TMEM184B: variants seen among roughly 807,000 people sequenced by gnomAD.
TMEM184B encodes transmembrane protein 184B, also known as putative MAPK-activating protein FM08.
Under a neutral mutation model 41.8 loss-of-function variants are expected in TMEM184B, and 17 were observed. That is an observed-to-expected ratio of 0.41 (90% CI 0.28 to 0.61). The LOEUF is 0.61. TMEM184B is among the 20% of genes least tolerant of loss of function. The pLI, the probability that TMEM184B is intolerant of heterozygous loss-of-function variation, is 0.34. For missense variants in TMEM184B, 393 were observed against 557.8 expected (o/e 0.70, Z 2.98); for synonymous variants, 240 against 229.5 (o/e 1.05, Z -0.41).
At chr22:38,222,784 C>T in intron 8 of TMEM184B, 1 of 849,020 alleles carries the variant, frequency 1.2e-6, no homozygotes, top group Non-Finnish European at 1.4e-6. Context: ...GGCCCACCAG[C>T]ACGACACACC....
chr22:38,219,822 C>CG lies in TMEM184B; in HGVS notation c.*1646dup, dbSNP rs1184053806. ...CAGCCTGTGTCTGCACCCACCCTCC[C>CG]GGGCAGCTTGGGCCCAACTGCTCCG... On this transcript the variant is annotated 3_prime_UTR_variant, in exon 9 of 9. Transcript: ENST00000361906. 1.5e-5 allele frequency: 15 copies of CG among 985,372 alleles called. No homozygotes were observed. The highest frequency in any genetic ancestry group is 1.7e-5 in the African/African-American group (1 of 57,244). The allele number at this position is 985,372 out of a possible 1,614,324, so 61.0% of individuals were successfully genotyped here. A position where few individuals can be genotyped will look rare whatever the true frequency, so the allele number is the denominator to read the frequency against.
intron 1 of TMEM184B, among the ~76,000 whole-genome samples, chr22:38,253,881 C>T (rs1055593699): frequency 1.1e-4 from 16 of 152,150 alleles, no homozygotes; most frequent in Non-Finnish European, 1.9e-4. Flanking sequence ...AAATGACTAG[C>T]ATTGGGAATG....
chr22:38,243,132 G>C (rs2091951373), intron 3 of TMEM184B, among the ~76,000 whole-genome samples: 1 of 151,944 alleles, frequency 6.6e-6, no homozygotes, highest in Non-Finnish European at 1.5e-5. Context: ...AAACTCCCTG[G>C]GAGAGGCCAG....
At chr22:38,264,084 C>T (rs2092410281) in intron 1 of TMEM184B, among the ~76,000 whole-genome samples, 2 of 152,198 alleles carry the variant, frequency 1.3e-5, no homozygotes, top group African/African-American at 2.4e-5. Context: ...GGATTACAGG[C>T]GTGAGCCACC....
At chr22:38,266,111 A>AC (rs2092440595) in intron 1 of TMEM184B, among the ~76,000 whole-genome samples, 1 of 152,020 alleles carries the variant, frequency 6.6e-6, no homozygotes, top group South Asian at 2.1e-4. Flanking sequence ...GTCTCACTGC[A>AC]CCCCCTCTGT....
chr22:38,259,581 T>TG (rs1187266361), intron 1 of TMEM184B, among the ~76,000 whole-genome samples: 1 of 152,068 alleles, frequency 6.6e-6, no homozygotes. Flanking sequence ...AAGCCACAGA[T>TG]GGAGGTGGTC....
rs1014319282 is a variant in TMEM184B at position 38,220,582 on chromosome 22, G to A, written c.*887C>T. ...GAGACTCAGACCTTTCCCCTGAAACGGGAGGGAGAAGCCCCAAAGAGAGAG... is the reference window on the plus strand; with the variant it reads ...GAGACTCAGACCTTTCCCCTGAAACAGGAGGGAGAAGCCCCAAAGAGAGAG... On this transcript the variant is annotated 3_prime_UTR_variant, in exon 9 of 9. Transcript: ENST00000361906. The A allele has an allele frequency of 8.1e-6, 8 of 985,986 alleles. No homozygotes were observed. Among genetic ancestry groups the A allele is most frequent in the Admixed American group, 1.2e-4 (2 of 16,296 alleles). The allele number at this position is 985,986 out of a possible 1,614,324, so 61.1% of individuals were successfully genotyped here. A position where few individuals can be genotyped will look rare whatever the true frequency, so the allele number is the denominator to read the frequency against.
intron 1 of TMEM184B, among the ~76,000 whole-genome samples, chr22:38,258,764 A>T (rs997376921): frequency 6.6e-6 from 1 of 152,152 alleles, no homozygotes. Context: ...TATCACATCA[A>T]TTCAGGTCAG....
chr22:38,220,749 A>G lies in TMEM184B; in HGVS notation c.*720T>C. 1.0e-6 allele frequency: 1 copy of G among 986,244 alleles called. No individual in the cohort carries two copies. Among genetic ancestry groups the G allele is most frequent in the African/African-American group, 1.7e-5 (1 of 57,360 alleles). The allele number at this position is 986,244 out of a possible 1,614,324, so 61.1% of individuals were successfully genotyped here. On this transcript the variant is annotated 3_prime_UTR_variant, in exon 9 of 9. Coordinates refer to ENST00000361906, the MANE Select transcript of TMEM184B (RefSeq NM_012264.5). ...GGCTGTGGGCTGTCCTTGGTAGGCC[A>G]GGGGGAAGGGGCATGAGGCAGGCAG...
chr22:38,231,699 A>C (rs2091628661), intron 3 of TMEM184B: 1 of 417,068 alleles, frequency 2.4e-6, no homozygotes, highest in Non-Finnish European at 4.5e-6. Context: ...GGGGCGAAAC[A>C]GTATTGCCTT....
intron 1 of TMEM184B, among the ~76,000 whole-genome samples, chr22:38,249,962 G>A (rs1014976032): frequency 1.3e-5 from 2 of 152,222 alleles, no homozygotes; most frequent in Non-Finnish European, 1.5e-5. Context: ...AAAGAGCCTG[G>A]CTGGAGCGTG....
intron 1 of TMEM184B, 55 bp from the exon 2 acceptor site, chr22:38,248,074 G>A: frequency 6.8e-7 from 1 of 1,462,272 alleles, no homozygotes; most frequent in Non-Finnish European, 9.0e-7. Flanking sequence ...GGCAGCATTG[G>A]AAAGAATCTT....
intron 3 of TMEM184B, among the ~76,000 whole-genome samples, chr22:38,235,857 G>A (rs1034194589): frequency 7.2e-5 from 11 of 152,300 alleles, no homozygotes; most frequent in Admixed American, 3.3e-4. Flanking sequence ...AAGCTGAGAC[G>A]GGGCTGGAGG....
At chr22:38,256,981 T>A (rs1013995436) in intron 1 of TMEM184B, among the ~76,000 whole-genome samples, 1 of 149,256 alleles carries the variant, frequency 6.7e-6, no homozygotes, top group Non-Finnish European at 1.5e-5. Context: ...TTAATAGTTT[T>A]TTTTTTTTTT....
At position 38,220,468 on chromosome 22, in the gene TMEM184B, TC is replaced by T. The variant is rs1235802316; in HGVS notation, c.*1000del. 1.1e-4 allele frequency: 113 copies of T among 985,310 alleles called. No individual in the cohort carries two copies. The highest frequency in any genetic ancestry group is 1.3e-4 in the Non-Finnish European group (107 of 829,890). The allele number at this position is 985,310 out of a possible 1,614,324, so 61.0% of individuals were successfully genotyped here. A position where few individuals can be genotyped will look rare whatever the true frequency, so the allele number is the denominator to read the frequency against. On this transcript the variant is annotated 3_prime_UTR_variant, in exon 9 of 9. Coordinates refer to ENST00000361906, the MANE Select transcript of TMEM184B (RefSeq NM_012264.5). Reference sequence around the variant, plus strand: ...GGCCCCGAGAGGAGTCTGGGACCATTCCCCCCACCTCCCAGCTCCCCACTGT... The same window carrying T: ...GGCCCCGAGAGGAGTCTGGGACCATTCCCCCACCTCCCAGCTCCCCACTGT...
chr22:38,227,317 G>A (rs1244387775), intron 5 of TMEM184B, among the ~76,000 whole-genome samples: 2 of 152,104 alleles, frequency 1.3e-5, no homozygotes, highest in African/African-American at 4.8e-5. Context: ...ACAGGCAGAG[G>A]GGGCAGCTTG....
rs1033421942 is a variant in TMEM184B at position 38,225,269 on chromosome 22, C to G, written c.787+155G>C. 6.6e-6 allele frequency among the ~76,000 whole-genome samples: 1 copy of G among 152,134 alleles called. No homozygotes were observed. Among genetic ancestry groups the G allele is most frequent in the African/African-American group, 2.4e-5 (1 of 41,424 alleles). On this transcript the variant is annotated intron_variant, in intron 7 of 8. Transcript: ENST00000361906. This position sits in a 1 kb window ranked among gnomAD's most constrained non-coding sequence, Gnocchi z 4.4. ...CTCCCTAGCCCCTGGGAAAGGCCCT[C>G]GAGGGCTCAGATTTCACCCCCAGCA...
At chr22:38,262,364 GT>G (rs2092384136) in intron 1 of TMEM184B, among the ~76,000 whole-genome samples, 1 of 152,254 alleles carries the variant, frequency 6.6e-6, no homozygotes, top group African/African-American at 2.4e-5. Context: ...CAGTGCAGAA[GT>G]GGAAACTAAG....
intron 1 of TMEM184B, among the ~76,000 whole-genome samples, chr22:38,265,885 G>A (rs1309449920): frequency 4.6e-5 from 7 of 152,274 alleles, no homozygotes; most frequent in Non-Finnish European, 8.8e-5. Context: ...ATTTTCTCTC[G>A]GAGCTTTTCG....
Sources: gnomAD v4.1 joint callset for allele counts (sites outside exome capture counted in the v4.1 genomes callset) on GRCh38, gnomAD v4.1.1 for gene constraint, Gnocchi (gnomAD v3.1) non-coding constraint, MANE v1.5 for transcripts, NCBI Gene and HGNC (gene_info 2026-07-23, HGNC 2026-07-21) for gene names.